Variants in OLA1 observed in about 807,000 individuals in gnomAD.
The protein encoded by OLA1 is obg-like ATPase 1.
Under a neutral mutation model 48.4 loss-of-function variants are expected in OLA1, and 14 were observed. The ratio of observed to expected loss-of-function variants is 0.29; its 90% CI spans 0.19 to 0.45. The LOEUF (loss-of-function observed/expected upper bound fraction) is 0.45. Among genes scored for constraint, OLA1 ranks in the 20% least tolerant of loss-of-function variants. The pLI, the probability that OLA1 is intolerant of heterozygous loss-of-function variation, is 1.00. For missense variants in OLA1, 325 were observed against 467.1 expected (o/e 0.70, Z 2.80); for synonymous variants, 127 against 150.4 (o/e 0.84, Z 1.14).
intron 7 of OLA1, among the ~76,000 whole-genome samples, chr2:174,091,633 C>A (rs1414892912): frequency 6.6e-6 from 1 of 151,942 alleles, no homozygotes; most frequent in Admixed American, 6.6e-5. Context: ...TGCCTGTAAT[C>A]CCAGCACTTT....
chr2:174,240,717 T>C (rs1293727428), intron 2 of OLA1, among the ~76,000 whole-genome samples: 1 of 152,194 alleles, frequency 6.6e-6, no homozygotes, highest in Non-Finnish European at 1.5e-5. Flanking sequence ...AGCTTAATTT[T>C]ATCAGCTCTT....
chr2:174,118,258 C>G (rs906713475), intron 7 of OLA1, among the ~76,000 whole-genome samples: 1 of 152,164 alleles, frequency 6.6e-6, no homozygotes, highest in Non-Finnish European at 1.5e-5. Flanking sequence ...AGACAAAAAT[C>G]CAAACCATAT....
At chr2:174,223,639 G>A (rs1477708446) in intron 3 of OLA1, among the ~76,000 whole-genome samples, 1 of 151,868 alleles carries the variant, frequency 6.6e-6, no homozygotes, top group African/African-American at 2.4e-5. Context: ...TTACAGATAA[G>A]GAAATTATGC....
chr2:174,241,309 A>G (rs1688995382), intron 2 of OLA1, among the ~76,000 whole-genome samples: 1 of 152,246 alleles, frequency 6.6e-6, no homozygotes, highest in Admixed American at 6.5e-5. Context: ...ACGAACAAAA[A>G]TTGTTACTAT....
intron 4 of OLA1, among the ~76,000 whole-genome samples, chr2:174,142,380 G>C (rs569329774): frequency 3.3e-5 from 5 of 152,078 alleles, no homozygotes; most frequent in African/African-American, 4.8e-5. Flanking sequence ...ATTTAGGGAG[G>C]GGGGGTCTGA....
At chr2:174,167,740 T>C (rs1344590867) in intron 4 of OLA1, among the ~76,000 whole-genome samples, 2 of 152,208 alleles carry the variant, frequency 1.3e-5, no homozygotes, top group African/African-American at 4.8e-5. Context: ...AAATTAACTA[T>C]AAATCACAAA....
At chr2:174,164,108 C>T (rs989806489) in intron 4 of OLA1, among the ~76,000 whole-genome samples, 3 of 151,770 alleles carry the variant, frequency 2.0e-5, no homozygotes, top group African/African-American at 4.8e-5. Context: ...TGTCTCCTGC[C>T]GCCCTGTGAA....
chr2:174,137,774 T>C (rs764273895), intron 5 of OLA1, among the ~76,000 whole-genome samples: 3 of 152,234 alleles, frequency 2.0e-5, no homozygotes, highest in Non-Finnish European at 2.9e-5. Context: ...TTTCTAACTC[T>C]AGAATTAAAG....
At chr2:174,225,059 T>C (rs567640034) in intron 3 of OLA1, among the ~76,000 whole-genome samples, 1 of 152,274 alleles carries the variant, frequency 6.6e-6, no homozygotes, top group African/African-American at 2.4e-5. Context: ...TGGGGCCTGG[T>C]GGGAGGCGTT....
intron 7 of OLA1, among the ~76,000 whole-genome samples, chr2:174,101,329 A>C (rs1367566797): frequency 6.6e-6 from 1 of 152,188 alleles, no homozygotes; most frequent in Non-Finnish European, 1.5e-5. Context: ...TATATGTTCA[A>C]GTCTTGCTGA....
intron 4 of OLA1, among the ~76,000 whole-genome samples, chr2:174,213,149 T>C (rs570632824): frequency 2.6e-5 from 4 of 152,300 alleles, no homozygotes; most frequent in Admixed American, 6.5e-5. Flanking sequence ...AAATAAATTA[T>C]ATTTGAAATT....
intron 1 of OLA1, chr2:174,247,727 C>A (rs1342984884): frequency 7.1e-6 from 11 of 1,551,082 alleles, no homozygotes; most frequent in Non-Finnish European, 9.6e-6. Context: ...AGGTACGGCT[C>A]ATCAGTCCTC....
chr2:174,166,053 G>C, intron 4 of OLA1, among the ~76,000 whole-genome samples: 1 of 151,824 alleles, frequency 6.6e-6, no homozygotes, highest in African/African-American at 2.4e-5. Context: ...TTGAACCCGG[G>C]AGGCAGAGGT....
At chr2:174,141,549 C>A (rs1417954761) in intron 5 of OLA1, among the ~76,000 whole-genome samples, 1 of 152,168 alleles carries the variant, frequency 6.6e-6, no homozygotes, top group Non-Finnish European at 1.5e-5. Context: ...ATAAACCACA[C>A]TTTATTAACA....
intron 4 of OLA1, among the ~76,000 whole-genome samples, chr2:174,157,604 T>C (rs1686917041): frequency 6.6e-6 from 1 of 152,162 alleles, no homozygotes; most frequent in South Asian, 2.1e-4. Context: ...AATGTAAACA[T>C]GGGACAGGTA....
At chr2:174,078,543 C>T (rs6712501) in intron 10 of OLA1, among the ~76,000 whole-genome samples, 22,210 of 151,752 alleles carry the variant, frequency 0.15, 1,702 homozygotes, top group East Asian at 0.21. Flanking sequence ...ACAAGTAAAA[C>T]CATGAAGTTT....
At chr2:174,159,639 T>A (rs932435349) in intron 4 of OLA1, among the ~76,000 whole-genome samples, 14 of 152,266 alleles carry the variant, frequency 9.2e-5, no homozygotes, top group African/African-American at 2.6e-4. Flanking sequence ...TACATGTTAC[T>A]GCTTATATAA....
intron 7 of OLA1, among the ~76,000 whole-genome samples, chr2:174,117,267 C>T (rs955691006): frequency 2.0e-5 from 3 of 152,168 alleles, no homozygotes; most frequent in African/African-American, 7.2e-5. Flanking sequence ...ATTTGGGAAA[C>T]ATTATTTATA....
chr2:174,180,622 T>G (rs1332667202), intron 4 of OLA1, among the ~76,000 whole-genome samples: 1 of 152,228 alleles, frequency 6.6e-6, no homozygotes, highest in African/African-American at 2.4e-5. Flanking sequence ...AATGACATTC[T>G]AAGTATCCAC....
Sources: gnomAD v4.1 joint callset for allele counts (sites outside exome capture counted in the v4.1 genomes callset) on GRCh38, gnomAD v4.1.1 for gene constraint, MANE v1.5 for transcripts, NCBI Gene and HGNC (gene_info 2026-07-23, HGNC 2026-07-21) for gene names.